FAM228A: variants seen among roughly 807,000 people sequenced by gnomAD.
The protein encoded by FAM228A is protein FAM228A.
In FAM228A, 13 loss-of-function variants were observed where a neutral mutation model predicts 18.6. That is an observed-to-expected ratio of 0.70 (90% CI 0.45 to 1.11). The LOEUF (loss-of-function observed/expected upper bound fraction) is 1.11. FAM228A is among the 50% of genes least tolerant of loss of function. FAM228A has a pLI of 0.00. For synonymous variants in FAM228A, 77 were observed against 86.6 expected (o/e 0.89, Z 0.61); for missense variants, 240 against 242.2 (o/e 0.99, Z 0.06).
rs1249798519 is a variant in FAM228A at position 24,176,018 on chromosome 2, T to A, written c.93+445T>A. The A allele has an allele frequency of 4.0e-6, 4 of 993,820 alleles. No homozygotes were observed. In the East Asian group the frequency reaches 3.3e-4, roughly 82 times the overall value. 61.6% of individuals were successfully genotyped at this position (993,820 alleles called of 1,614,324 possible). A position where few individuals can be genotyped will look rare whatever the true frequency, so the allele number is the denominator to read the frequency against. On this transcript the variant is annotated intron_variant, in intron 2 of 5. Transcript: ENST00000295150. The stretch of plus-strand genomic sequence containing the variant: ...AGCAGTGAGATGCTTAATTTTTCTA[T>A]GTGTGTGCACAGAAAGCTGTGGATT...
chr2:24,178,667 G>A lies in FAM228A; in HGVS notation c.162+797G>A, dbSNP rs138269690. Among the ~76,000 whole-genome samples, 8 of 152,332 alleles carry A rather than the reference G, an allele frequency of 5.3e-5. No homozygotes were observed. In the East Asian group the frequency reaches 1.5e-3, roughly 29 times the overall value. On this transcript the variant is annotated intron_variant, in intron 3 of 5. Transcript: ENST00000295150. ...AATTCCCATTTAAGCATCCAAAGAG[G>A]TAGATGGGATTACCTCTCTTTCACA...
Position 24,179,202 on chromosome 2 carries a change from C to A in FAM228A, c.162+1332C>A, listed in dbSNP as rs180875196. The A allele has an allele frequency of 8.2e-6, 9 of 1,098,934 alleles. No individual in the cohort carries two copies. The South Asian group carries it at 1.6e-4, about 19-fold the overall frequency. 68.1% of individuals were successfully genotyped at this position (1,098,934 alleles called of 1,614,324 possible). ...AAATGGGTTGAAAATGTTGCAGAGCCTCTTCAGCAGAGAATTATGGAAAAA... is the reference window on the plus strand; with the variant it reads ...AAATGGGTTGAAAATGTTGCAGAGCATCTTCAGCAGAGAATTATGGAAAAA... On this transcript the variant is annotated intron_variant, in intron 3 of 5. Coordinates refer to ENST00000295150, the MANE Select transcript of FAM228A (RefSeq NM_001040710.3).
At chr2:24,184,011 T>C (rs75363730) in intron 5 of FAM228A, among the ~76,000 whole-genome samples, 1 of 152,224 alleles carries the variant, frequency 6.6e-6, no homozygotes, top group African/African-American at 2.4e-5. Flanking sequence ...TTGCGTATTT[T>C]TGAATTTCAT....
rs1406662157 is a variant in FAM228A, at chr2:24,183,627, G to A, written c.383G>A (p.Ser128Asn). ...CATAAAGCCTCTGCAAGAGCCAGGA[G>A]TAAAACTTACAAATACAGGTACAGA... ...EWHKASARAR[S>N]KTYKYSPEKL... Residue 128 changes from serine (S) to asparagine (N), a missense_variant, in exon 5 of 6, where the codon AGT (serine) becomes AAT (asparagine). Ser to Asn is a conservative substitution (Grantham distance 46). Coordinates refer to ENST00000295150, the MANE Select transcript of FAM228A (RefSeq NM_001040710.3). The A allele has an allele frequency of 6.2e-6, 10 of 1,603,784 alleles. No homozygotes were observed. The highest frequency in any genetic ancestry group is 8.5e-6 in the Non-Finnish European group (10 of 1,176,434).
intron 2 of FAM228A, chr2:24,176,125 CTG>C (rs1056671210): frequency 3.0e-6 from 3 of 984,822 alleles, no homozygotes; most frequent in African/African-American, 3.5e-5. Flanking sequence ...AAGACAAAAA[CTG>C]TTTAATTTCT....
At chr2:24,185,387 G>T (rs982542036) in intron 5 of FAM228A, among the ~76,000 whole-genome samples, 9 of 152,070 alleles carry the variant, frequency 5.9e-5, no homozygotes, top group Admixed American at 5.9e-4. Context: ...TTTGATACCT[G>T]ATAGAACAAA....
chr2:24,180,329 G>C (rs1164691371), intron 3 of FAM228A, among the ~76,000 whole-genome samples: 1 of 150,654 alleles, frequency 6.6e-6, no homozygotes, highest in African/African-American at 2.4e-5. Flanking sequence ...CTGTGCACTT[G>C]TAGTCCCAGC....
At chr2:24,187,705 C>T (rs1260332313) in intron 5 of FAM228A, among the ~76,000 whole-genome samples, 2 of 152,142 alleles carry the variant, frequency 1.3e-5, no homozygotes, top group South Asian at 4.1e-4. Flanking sequence ...TCGGACTTCA[C>T]CTTCATTCTT....
In FAM228A at chr2:24,181,711, G is replaced by T. The variant is rs542108697; in HGVS notation, c.163-1574G>T. On this transcript the variant is annotated intron_variant, in intron 3 of 5. Coordinates refer to ENST00000295150, the MANE Select transcript of FAM228A (RefSeq NM_001040710.3). Reference sequence around the variant, plus strand: ...TACGATCCTTTTATATGAAGAAAAAGAAACCAAATTATGGAAAGGTAGAGC... The same window carrying T: ...TACGATCCTTTTATATGAAGAAAAATAAACCAAATTATGGAAAGGTAGAGC... Among the ~76,000 whole-genome samples, 17 of 152,224 alleles carry T rather than the reference G, an allele frequency of 1.1e-4. No homozygotes were observed. In the South Asian group the frequency reaches 3.5e-3, roughly 32 times the overall value.
At chr2:24,189,594 G>T (rs1422409615) in intron 5 of FAM228A, among the ~76,000 whole-genome samples, 1 of 152,168 alleles carries the variant, frequency 6.6e-6, no homozygotes, top group Non-Finnish European at 1.5e-5. Context: ...AGTAGATCAT[G>T]AATAAGTGGT....
chr2:24,184,452 TTGTG>T (rs1667895987), intron 5 of FAM228A, among the ~76,000 whole-genome samples: 1 of 152,172 alleles, frequency 6.6e-6, no homozygotes, highest in Non-Finnish European at 1.5e-5. Flanking sequence ...GTACAGTTCA[TTGTG>T]TGACTGCTTT....
chr2:24,189,590 T>C (rs1165103990), intron 5 of FAM228A, among the ~76,000 whole-genome samples: 1 of 152,090 alleles, frequency 6.6e-6, no homozygotes, highest in African/African-American at 2.4e-5. Flanking sequence ...GCATAGTAGA[T>C]CATGAATAAG....
At chr2:24,176,464 C>T (rs1667696151) in intron 2 of FAM228A, among the ~76,000 whole-genome samples, 2 of 152,228 alleles carry the variant, frequency 1.3e-5, no homozygotes. Context: ...AATTCTCCTG[C>T]CTGGGCCTTC....
chr2:24,182,523 GA>G (rs759597299), intron 3 of FAM228A, among the ~76,000 whole-genome samples: 42 of 152,192 alleles, frequency 2.8e-4, no homozygotes, highest in South Asian at 6.2e-4. Context: ...GGAGCGGGAA[GA>G]AAAAATACTT....
chr2:24,187,871 A>G (rs1444335375), intron 5 of FAM228A, among the ~76,000 whole-genome samples: 1 of 151,502 alleles, frequency 6.6e-6, no homozygotes, highest in East Asian at 1.9e-4. Context: ...TGCTTTTATG[A>G]TTTTCTCATT....
intron 5 of FAM228A, among the ~76,000 whole-genome samples, chr2:24,187,285 T>G (rs1177434224): frequency 6.6e-6 from 1 of 152,234 alleles, no homozygotes; most frequent in Non-Finnish European, 1.5e-5. Context: ...TCAACTTAAC[T>G]TTATTTTTCG....
chr2:24,183,040 TA>T (rs1667851440), intron 3 of FAM228A, among the ~76,000 whole-genome samples: 1 of 152,082 alleles, frequency 6.6e-6, no homozygotes, highest in African/African-American at 2.4e-5. Flanking sequence ...GGGGTACACA[TA>T]CAGGTTTGTT....
chr2:24,189,917 G>A (rs907662042), intron 5 of FAM228A, among the ~76,000 whole-genome samples: 3 of 152,046 alleles, frequency 2.0e-5, no homozygotes, highest in Admixed American at 6.5e-5. Context: ...TCGGGGGACG[G>A]ACTGGGAGGC....
intron 3 of FAM228A, chr2:24,179,288 A>G: frequency 1.6e-6 from 1 of 610,708 alleles, no homozygotes; most frequent in Non-Finnish European, 2.2e-6. Context: ...TACAGCACAG[A>G]CATAAAATGG....
Sources: gnomAD v4.1 joint callset for allele counts (sites outside exome capture counted in the v4.1 genomes callset) on GRCh38, gnomAD v4.1.1 for gene constraint, MANE v1.5 for transcripts, NCBI Gene and HGNC (gene_info 2026-07-23, HGNC 2026-07-21) for gene names.